The following CUX1 variants were observed in gnomAD, a reference collection of about 807,000 sequenced individuals.
CUX1 encodes the protein cut like homeobox 1, also known as protein CASP.
In CUX1, 31 loss-of-function variants were observed where a neutral mutation model predicts 158.8. The ratio of observed to expected loss-of-function variants is 0.20; its 90% CI spans 0.15 to 0.26. The LOEUF (loss-of-function observed/expected upper bound fraction) is 0.26. CUX1 is among the 10% of genes least tolerant of loss of function. The pLI, the probability that CUX1 is intolerant of heterozygous loss-of-function variation, is 1.00. For missense variants in CUX1, 1,589 were observed against 2,014.6 expected (o/e 0.79, Z 4.04); for synonymous variants, 879 against 862.1 (o/e 1.02, Z -0.34).
chr7:102,200,898 C>G (rs536089005), intron 17 of CUX1, among the ~76,000 whole-genome samples: 2 of 151,490 alleles, frequency 1.3e-5, no homozygotes, highest in Non-Finnish European at 2.9e-5. Context: ...TGGCATGCAC[C>G]TGTGGTCCCA....
At chr7:101,944,508 A>G (rs1241582737) in intron 2 of CUX1, among the ~76,000 whole-genome samples, 2 of 152,212 alleles carry the variant, frequency 1.3e-5, no homozygotes, top group African/African-American at 4.8e-5. Flanking sequence ...GTGAGCCACC[A>G]GTTGACACCA....
rs1795388673 is a variant in CUX1, at chr7:102,201,120, C to T, written c.2063-240C>T. On this transcript the variant is annotated intron_variant, in intron 17 of 23. Transcript: ENST00000292535. The surrounding 1 kb of genome is among the most constrained non-coding windows in gnomAD (Gnocchi z 5.0). Reference sequence around the variant, plus strand: ...ACTTTCACTGACACCCCCTTTATTACCCTCTACATCTGTGTGTATACCAAA... The same window carrying T: ...ACTTTCACTGACACCCCCTTTATTATCCTCTACATCTGTGTGTATACCAAA... Among the ~76,000 whole-genome samples, 1 of 151,014 alleles carries T rather than the reference C, an allele frequency of 6.6e-6. No homozygotes were observed. The highest frequency in any genetic ancestry group is 6.6e-5 in the Admixed American group (1 of 15,148).
At chr7:101,895,902 G>GTTTTTTTTTTT (rs1193952295) in intron 1 of CUX1, among the ~76,000 whole-genome samples, 2 of 40,462 alleles carry the variant, frequency 4.9e-5, no homozygotes, top group African/African-American at 2.5e-4. Context: ...TTTTTTTTTT[G>GTTTTTTTTTTT]TTTTTGTTTT....
intron 2 of CUX1, among the ~76,000 whole-genome samples, chr7:101,948,141 T>C (rs994599423): frequency 8.5e-5 from 13 of 152,182 alleles, no homozygotes; most frequent in Admixed American, 8.5e-4. Context: ...ATTACTATAT[T>C]CACATTGTCA....
intron 1 of CUX1, among the ~76,000 whole-genome samples, chr7:101,851,016 G>A (rs1268775963): frequency 1.3e-5 from 2 of 152,142 alleles, no homozygotes; most frequent in African/African-American, 4.8e-5. Context: ...AGCTGGGGTG[G>A]GAGGATTGCT....
At chr7:102,136,454 C>T (rs1430603413) in intron 8 of CUX1, among the ~76,000 whole-genome samples, 6 of 151,752 alleles carry the variant, frequency 4.0e-5, no homozygotes, top group African/African-American at 9.7e-5. Context: ...TGCAGTGGCA[C>T]GATCTCAGCT....
In CUX1 at chr7:102,250,142, GAC is replaced by G; in HGVS notation, c.*1101_*1102del. 1.0e-6 allele frequency: 1 copy of G among 985,396 alleles called. No homozygotes were observed. Among genetic ancestry groups the G allele is most frequent in the Non-Finnish European group, 1.2e-6 (1 of 829,936 alleles). 61.0% of individuals were successfully genotyped at this position (985,396 alleles called of 1,614,324 possible). A position where few individuals can be genotyped will look rare whatever the true frequency, so the allele number is the denominator to read the frequency against. On this transcript the variant is annotated 3_prime_UTR_variant, in exon 24 of 24. Coordinates refer to ENST00000292535, the MANE Select transcript of CUX1 (RefSeq NM_181552.4). ...CTCTAACCGCAGAGCACGCTGATCA[GAC>G]CTCATATCTTGGAGGTTTAGGAGAC...
chr7:101,858,748 CT>C (rs1203470180), intron 1 of CUX1, among the ~76,000 whole-genome samples: 2 of 150,770 alleles, frequency 1.3e-5, no homozygotes, highest in Admixed American at 1.3e-4. Context: ...TCACTGCAAC[CT>C]CCGCCTCCCA....
At chr7:101,943,403 G>A (rs1807961302) in intron 2 of CUX1, among the ~76,000 whole-genome samples, 2 of 151,912 alleles carry the variant, frequency 1.3e-5, no homozygotes, top group African/African-American at 2.4e-5. Context: ...CACTGCACCC[G>A]GCCTCTGGTC....
At chr7:102,236,955 G>A (rs981309803) in intron 22 of CUX1, among the ~76,000 whole-genome samples, 5 of 152,252 alleles carry the variant, frequency 3.3e-5, no homozygotes, top group African/African-American at 9.6e-5. Flanking sequence ...GCTGTGGTCC[G>A]ATGGCCTTCT....
intron 6 of CUX1, among the ~76,000 whole-genome samples, chr7:102,105,868 G>A (rs972077437): frequency 3.3e-5 from 5 of 151,332 alleles, no homozygotes; most frequent in Admixed American, 6.6e-5. Context: ...TTTTATACCC[G>A]CTCCCATCAA....
chr7:102,129,616 A>G (rs1228426853), intron 8 of CUX1, among the ~76,000 whole-genome samples: 4 of 152,138 alleles, frequency 2.6e-5, no homozygotes, highest in Non-Finnish European at 4.4e-5. Flanking sequence ...CCTGGGAGGC[A>G]GAGGCTGCAG....
intron 10 of CUX1, among the ~76,000 whole-genome samples, chr7:102,174,153 T>C (rs188963949): frequency 3.3e-5 from 5 of 152,218 alleles, no homozygotes; most frequent in Middle Eastern, 3.4e-3. Context: ...GTAGCCCCGC[T>C]CTGTCACCCA....
intron 20 of CUX1, among the ~76,000 whole-genome samples, chr7:102,216,604 A>ACACACTTCTG (rs782307805): frequency 1.5e-5 from 1 of 64,852 alleles, no homozygotes; most frequent in Non-Finnish European, 2.8e-5. Context: ...ACTCCCACAC[A>ACACACTTCTG]CACACACACA....
At chr7:102,236,266 A>G (rs868935796) in intron 22 of CUX1, among the ~76,000 whole-genome samples, 9 of 152,180 alleles carry the variant, frequency 5.9e-5, no homozygotes, top group Non-Finnish European at 8.8e-5. Context: ...TGACCTGCCC[A>G]GGTGGTGGCC....
chr7:102,025,919 G>A (rs2095465500), intron 2 of CUX1, among the ~76,000 whole-genome samples: 1 of 152,032 alleles, frequency 6.6e-6, no homozygotes, highest in Admixed American at 6.6e-5. Context: ...GTTCACACCT[G>A]TAATCCTAGC....
intron 6 of CUX1, among the ~76,000 whole-genome samples, chr7:102,104,731 A>T (rs936121596): frequency 1.3e-5 from 2 of 151,926 alleles, no homozygotes; most frequent in African/African-American, 4.8e-5. Flanking sequence ...CTCTACTAAA[A>T]AATACAAAAA....
chr7:101,904,535 G>T (rs1802536395), intron 1 of CUX1, among the ~76,000 whole-genome samples: 2 of 151,052 alleles, frequency 1.3e-5, no homozygotes. Context: ...AAGAAATACT[G>T]ATACATATCA....
chr7:102,104,711 GA>G (rs1830152328), intron 6 of CUX1, among the ~76,000 whole-genome samples: 1 of 152,024 alleles, frequency 6.6e-6, no homozygotes. Flanking sequence ...CCAACATGGT[GA>G]AACCCCGTCT....
Sources: gnomAD v4.1 joint callset for allele counts (sites outside exome capture counted in the v4.1 genomes callset) on GRCh38, gnomAD v4.1.1 for gene constraint, Gnocchi (gnomAD v3.1) non-coding constraint, MANE v1.5 for transcripts, NCBI Gene and HGNC (gene_info 2026-07-23, HGNC 2026-07-21) for gene names.